Variants in SEMA3C observed in about 807,000 individuals in gnomAD.
SEMA3C encodes semaphorin 3C.
A neutral mutation model predicts 89.4 loss-of-function variants in SEMA3C; 47 were observed. The ratio of observed to expected loss-of-function variants is 0.53; its 90% CI spans 0.42 to 0.67. The LOEUF is 0.67. Among genes scored for constraint, SEMA3C ranks in the 30% least tolerant of loss-of-function variants. The pLI, the probability that SEMA3C is intolerant of heterozygous loss-of-function variation, is 0.00. For missense variants in SEMA3C, 839 were observed against 929.1 expected (o/e 0.90, Z 1.26); for synonymous variants, 310 against 320.2 (o/e 0.97, Z 0.34).
rs113481548 is a variant in SEMA3C, at chr7:80,900,115, GT to G, written c.103+16563del. Among the ~76,000 whole-genome samples the G allele has an allele frequency of 3.4e-3, 502 of 146,078 alleles. 1 individual carries two copies. The highest frequency in any genetic ancestry group is 0.022 in the Middle Eastern group (6 of 276). On this transcript the variant is annotated intron_variant, in intron 2 of 17. Transcript: ENST00000265361. ...CTTTATATAATCTTACATTTAGTAT[GT>G]TTTTTTTTTTTCTTTGAGACGGAGT...
intron 12 of SEMA3C, among the ~76,000 whole-genome samples, chr7:80,767,391 TA>T (rs1211328256): frequency 6.6e-6 from 1 of 152,160 alleles, no homozygotes; most frequent in East Asian, 1.9e-4. Flanking sequence ...CCAAAATAAA[TA>T]TAAGAATACA....
At chr7:80,868,814 AC>A (rs1192614740) in intron 2 of SEMA3C, among the ~76,000 whole-genome samples, 1 of 152,150 alleles carries the variant, frequency 6.6e-6, no homozygotes, top group Non-Finnish European at 1.5e-5. Context: ...CTGAGGATAT[AC>A]CAGGTGTCAT....
In SEMA3C at chr7:80,758,312, C is replaced by T. The variant is rs1396836052; in HGVS notation, c.1643+19G>A. The T allele has an allele frequency of 1.0e-5, 16 of 1,599,974 alleles. No individual in the cohort carries two copies. Among genetic ancestry groups the T allele is most frequent in the Non-Finnish European group, 1.3e-5 (15 of 1,172,918 alleles). ...TGGTGTCCTACATTTGGATGTTGAG[C>T]CGAGTGTTTAGTGCTCACCGTTTCC... On this transcript the variant is annotated intron_variant, in intron 15 of 17. Coordinates refer to ENST00000265361, the MANE Select transcript of SEMA3C (RefSeq NM_006379.5).
chr7:80,905,156 G>A (rs182126554), intron 2 of SEMA3C, among the ~76,000 whole-genome samples: 79 of 148,670 alleles, frequency 5.3e-4, no homozygotes, highest in African/African-American at 1.7e-3. Flanking sequence ...TGCCTTTGCT[G>A]CAACCCTCAA....
At chr7:80,820,158 A>G (rs1562890318) in intron 4 of SEMA3C, among the ~76,000 whole-genome samples, 1 of 150,538 alleles carries the variant, frequency 6.6e-6, no homozygotes, top group Non-Finnish European at 1.5e-5. Context: ...CCTGGGTTCA[A>G]GTGATTCTCC....
At chr7:80,784,461 T>A in intron 12 of SEMA3C, among the ~76,000 whole-genome samples, 1 of 108,830 alleles carries the variant, frequency 9.2e-6, no homozygotes, top group African/African-American at 2.9e-5. Flanking sequence ...AGTAGCAGCA[T>A]TTTTTTTTAC....
intron 15 of SEMA3C, among the ~76,000 whole-genome samples, chr7:80,756,676 T>G (rs1274828463): frequency 6.6e-6 from 1 of 152,194 alleles, no homozygotes; most frequent in African/African-American, 2.4e-5. Context: ...TTTAGGGCTG[T>G]TTCTTGAGCA....
rs767611878 is a variant in SEMA3C, at chr7:80,874,158, A to G, written c.103+42521T>C. On this transcript the variant is annotated intron_variant, in intron 2 of 17. Coordinates refer to ENST00000265361, the MANE Select transcript of SEMA3C (RefSeq NM_006379.5). The stretch of plus-strand genomic sequence containing the variant: ...CACAGTAAGTTATCTCATCCATTAG[A>G]CTGTAAATTCCTTGAGGGCCTGAAC... 2.7e-4 allele frequency among the ~76,000 whole-genome samples: 41 copies of G among 152,258 alleles called. 1 individual carries two copies. In the Middle Eastern group the frequency reaches 0.01, roughly 38 times the overall value.
chr7:80,863,846 A>G (rs867820716), intron 2 of SEMA3C, among the ~76,000 whole-genome samples: 7 of 113,392 alleles, frequency 6.2e-5, no homozygotes, highest in African/African-American at 1.8e-4. Flanking sequence ...TATATATCAC[A>G]TATCACATAC....
intron 2 of SEMA3C, chr7:80,847,163 T>A (rs937771300): frequency 6.6e-6 from 1 of 152,198 alleles, no homozygotes; most frequent in Non-Finnish European, 1.5e-5. Context: ...ACCTTCAATT[T>A]TCTACCCAGT....
intron 13 of SEMA3C, among the ~76,000 whole-genome samples, chr7:80,764,734 G>C (rs1229793875): frequency 6.6e-6 from 1 of 151,942 alleles, no homozygotes; most frequent in Non-Finnish European, 1.5e-5. Context: ...CGTTTTTCTT[G>C]AAATTACTGG....
chr7:80,897,065 T>G (rs1274493176), intron 2 of SEMA3C, among the ~76,000 whole-genome samples: 1 of 152,196 alleles, frequency 6.6e-6, no homozygotes, highest in Non-Finnish European at 1.5e-5. Context: ...GCAACTTGCA[T>G]GGCCTGACTC....
chr7:80,908,356 CA>C (rs1792063107), intron 2 of SEMA3C, among the ~76,000 whole-genome samples: 1 of 152,100 alleles, frequency 6.6e-6, no homozygotes, highest in Non-Finnish European at 1.5e-5. Flanking sequence ...ACAGTTTGTA[CA>C]AAGTTATGTC....
intron 2 of SEMA3C, among the ~76,000 whole-genome samples, chr7:80,867,639 G>A (rs1398063117): frequency 6.6e-6 from 1 of 152,028 alleles, no homozygotes; most frequent in Non-Finnish European, 1.5e-5. Flanking sequence ...AGTCAGGGAG[G>A]AACAGCAGGG....
chr7:80,838,952 T>A (rs1054278933), intron 2 of SEMA3C, among the ~76,000 whole-genome samples: 1 of 152,184 alleles, frequency 6.6e-6, no homozygotes, highest in African/African-American at 2.4e-5. Context: ...ATTTTACTTG[T>A]GTTGTGTAAT....
At chr7:80,895,774 T>A (rs1791719687) in intron 2 of SEMA3C, among the ~76,000 whole-genome samples, 4 of 152,122 alleles carry the variant, frequency 2.6e-5, no homozygotes, top group Non-Finnish European at 1.5e-5. Flanking sequence ...CTACTTACTT[T>A]TTAAAATATC....
At chr7:80,894,400 C>G (rs1251729321) in intron 2 of SEMA3C, among the ~76,000 whole-genome samples, 1 of 151,996 alleles carries the variant, frequency 6.6e-6, no homozygotes, top group African/African-American at 2.4e-5. Context: ...ACAATGTTCA[C>G]TGGAATTAAA....
intron 17 of SEMA3C, among the ~76,000 whole-genome samples, chr7:80,746,866 T>C (rs1307293053): frequency 2.0e-5 from 3 of 152,074 alleles, no homozygotes; most frequent in Non-Finnish European, 4.4e-5. Context: ...TATTATTCAA[T>C]AGATATTAAA....
intron 2 of SEMA3C, among the ~76,000 whole-genome samples, chr7:80,913,388 G>C (rs752708224): frequency 6.6e-6 from 1 of 152,052 alleles, no homozygotes; most frequent in Non-Finnish European, 1.5e-5. Context: ...GAGGCAGAGC[G>C]AGACTCTGTC....
Sources: allele counts gnomAD v4.1 joint callset (sites outside exome capture counted in the v4.1 genomes callset), GRCh38; gene constraint gnomAD v4.1.1; transcripts MANE v1.5; gene names NCBI Gene and HGNC (gene_info 2026-07-23, HGNC 2026-07-21).